CACNA1E: variants seen among roughly 807,000 people sequenced by gnomAD.
CACNA1E encodes voltage-dependent R-type calcium channel subunit alpha-1E.
Under a neutral mutation model 259.2 loss-of-function variants are expected in CACNA1E, and 40 were observed. That is an observed-to-expected ratio of 0.15 (90% CI 0.12 to 0.20). CACNA1E has a LOEUF of 0.20. CACNA1E is among the 10% of genes least tolerant of loss of function. CACNA1E has a pLI of 1.00. For synonymous variants in CACNA1E, 1,104 were observed against 1,138.5 expected, an observed-to-expected ratio of 0.97 and a Z score of 0.61; for missense variants, 1,874 against 3,040.1, an observed-to-expected ratio of 0.62 and a Z score of 9.02.
intron 3 of CACNA1E, among the ~76,000 whole-genome samples, chr1:181,517,230 G>C (rs571939102): frequency 7.9e-5 from 12 of 152,328 alleles, no homozygotes; most frequent in African/African-American, 2.9e-4. Context: ...AAGGAGAAGA[G>C]CCCTTCTGGG....
chr1:181,695,434 A>C (rs897472902), intron 7 of CACNA1E, among the ~76,000 whole-genome samples: 7 of 152,350 alleles, frequency 4.6e-5, no homozygotes, highest in African/African-American at 1.7e-4. Flanking sequence ...TTCTAAAAAG[A>C]GAACAAAATT....
At chr1:181,759,984 G>GTGTT (rs1480487739) in intron 32 of CACNA1E, among the ~76,000 whole-genome samples, 2 of 152,170 alleles carry the variant, frequency 1.3e-5, no homozygotes, top group African/African-American at 4.8e-5. Flanking sequence ...TCCCTTTTGA[G>GTGTT]TGTTTTGAGA....
intron 2 of CACNA1E, among the ~76,000 whole-genome samples, chr1:181,457,738 T>C (rs573834895): frequency 1.3e-5 from 2 of 152,262 alleles, no homozygotes; most frequent in African/African-American, 4.8e-5. Flanking sequence ...CAGTCAGGAG[T>C]TGAACATATA....
At chr1:181,598,992 C>A (rs2103055523) in intron 6 of CACNA1E, among the ~76,000 whole-genome samples, 1 of 151,984 alleles carries the variant, frequency 6.6e-6, no homozygotes, top group Non-Finnish European at 1.5e-5. Context: ...GCAGGATGTG[C>A]ATGCAGGTTT....
intron 3 of CACNA1E, among the ~76,000 whole-genome samples, chr1:181,559,289 G>A (rs1013442037): frequency 4.6e-5 from 7 of 152,206 alleles, no homozygotes; most frequent in African/African-American, 1.7e-4. Flanking sequence ...ATATGTGCAG[G>A]CTGGAGGCCT....
chr1:181,486,137 T>C (rs909038741), intron 1 of CACNA1E, among the ~76,000 whole-genome samples: 3 of 152,246 alleles, frequency 2.0e-5, no homozygotes, highest in Admixed American at 1.3e-4. Context: ...CTGTGAGTCT[T>C]ACTCCTCCCT....
At chr1:181,784,076 C>CT (rs553447435) in intron 40 of CACNA1E, among the ~76,000 whole-genome samples, 2 of 152,030 alleles carry the variant, frequency 1.3e-5, no homozygotes, top group African/African-American at 4.8e-5. Context: ...TAATTTTGTC[C>CT]TTTTTTTCTG....
chr1:181,589,630 G>A (rs1652434902), intron 6 of CACNA1E, among the ~76,000 whole-genome samples: 1 of 152,086 alleles, frequency 6.6e-6, no homozygotes, highest in South Asian at 2.1e-4. Context: ...GAGGCAGGAG[G>A]ATCTCTTGAG....
intron 47 of CACNA1E, 36 bp downstream of exon 47, chr1:181,796,894 G>C: frequency 1.4e-6 from 2 of 1,478,924 alleles, no homozygotes; most frequent in South Asian, 2.6e-5. Context: ...ACAGCAGAAG[G>C]ACAGGGGAGG....
chr1:181,527,715 T>G (rs1041337523), intron 3 of CACNA1E, among the ~76,000 whole-genome samples: 2 of 152,210 alleles, frequency 1.3e-5, no homozygotes, highest in Admixed American at 1.3e-4. Flanking sequence ...TTATTTCCCT[T>G]CTAGTTCATT....
At chr1:181,603,377 A>G (rs1172465927) in intron 6 of CACNA1E, among the ~76,000 whole-genome samples, 1 of 152,148 alleles carries the variant, frequency 6.6e-6, no homozygotes, top group African/African-American at 2.4e-5. Context: ...ATCTCAAAAG[A>G]AGTGTTGTTC....
At chr1:181,328,833 G>A (rs1222146450) in intron 1 of CACNA1E, among the ~76,000 whole-genome samples, 1 of 152,172 alleles carries the variant, frequency 6.6e-6, no homozygotes, top group Non-Finnish European at 1.5e-5. Context: ...TCACGCCAAA[G>A]TTGGCTATCA....
At position 181,799,806 on chromosome 1, in the gene CACNA1E, A is replaced by C. The variant is rs1375254041; in HGVS notation, c.*972A>C. On this transcript the variant is annotated 3_prime_UTR_variant, in exon 48 of 48. Coordinates refer to ENST00000367573, the MANE Select transcript of CACNA1E (RefSeq NM_001205293.3). ...AGTAGCAGGGGCCACCTAAGAGATT[A>C]AAAACAGTCTGTTTTCCAACCAGTG... 1 of 60,154 alleles carries C rather than the reference A, an allele frequency of 1.7e-5. No homozygotes were observed. The highest frequency in any genetic ancestry group is 3.4e-5 in the Non-Finnish European group (1 of 29,208). The allele number at this position is 60,154 out of a possible 1,614,324, so 3.7% of individuals were successfully genotyped here. A position where few individuals can be genotyped will look rare whatever the true frequency, so the allele number is the denominator to read the frequency against.
intron 3 of CACNA1E, among the ~76,000 whole-genome samples, chr1:181,561,216 G>A (rs1472876813): frequency 1.3e-5 from 2 of 152,084 alleles, no homozygotes; most frequent in African/African-American, 4.8e-5. Flanking sequence ...CACTAAAAAT[G>A]GTTTAAAATG....
At chr1:181,334,454 G>T (rs1651534639) in intron 1 of CACNA1E, among the ~76,000 whole-genome samples, 1 of 152,180 alleles carries the variant, frequency 6.6e-6, no homozygotes, top group Non-Finnish European at 1.5e-5. Context: ...GTATCCACAT[G>T]GATGTCTGAC....
At chr1:181,600,254 G>T (rs192650637) in intron 6 of CACNA1E, among the ~76,000 whole-genome samples, 1 of 152,354 alleles carries the variant, frequency 6.6e-6, no homozygotes, top group African/African-American at 2.4e-5. Flanking sequence ...AGCACTCTGA[G>T]GGGCAAGAGG....
At chr1:181,482,466 G>T (rs1663349527), upstream of CACNA1E, among the ~76,000 whole-genome samples, 1 of 152,256 alleles carries the variant, frequency 6.6e-6, no homozygotes, top group African/African-American at 2.4e-5. Flanking sequence ...CTGGACCTTT[G>T]CAGAGGTGGC....
chr1:181,775,833 T>C (rs1050718039), intron 37 of CACNA1E, among the ~76,000 whole-genome samples: 1 of 152,214 alleles, frequency 6.6e-6, no homozygotes, highest in African/African-American at 2.4e-5. Context: ...CCACACAGCC[T>C]GCAGAGCCTA....
chr1:181,644,717 G>A (rs770497955), intron 6 of CACNA1E, among the ~76,000 whole-genome samples: 6 of 152,188 alleles, frequency 3.9e-5, no homozygotes, highest in Admixed American at 3.3e-4. Flanking sequence ...GTTACCTAAA[G>A]GTATGTGAGG....
Sources: gnomAD v4.1 joint callset for allele counts (sites outside exome capture counted in the v4.1 genomes callset) on GRCh38, gnomAD v4.1.1 for gene constraint, MANE v1.5 for transcripts, NCBI Gene and HGNC (gene_info 2026-07-23, HGNC 2026-07-21) for gene names.